Variants in LEPROT observed in about 807,000 individuals in gnomAD.
LEPROT encodes the protein leptin receptor gene-related protein.
A neutral mutation model predicts 15.4 loss-of-function variants in LEPROT; 3 were observed. That is an observed-to-expected ratio of 0.19 (90% CI 0.09 to 0.50). LEPROT has a LOEUF of 0.50. Ranked by LOEUF, LEPROT falls within the 20% of genes least tolerant of loss-of-function variation. LEPROT has a pLI of 0.97. For missense variants in LEPROT, 137 were observed against 162.2 expected, an observed-to-expected ratio of 0.84 and a Z score of 0.84; for synonymous variants, 59 against 57.5, an observed-to-expected ratio of 1.03 and a Z score of -0.12.
chr1:65,420,890 T>G lies in LEPROT; in HGVS notation c.16+150T>G, dbSNP rs570323507. The G allele has an allele frequency of 8.3e-4, 864 of 1,043,558 alleles. 2 individuals are homozygous for G. Among genetic ancestry groups the G allele is most frequent in the Non-Finnish European group, 1.1e-3 (743 of 707,506 alleles). 64.6% of individuals were successfully genotyped at this position (1,043,558 alleles called of 1,614,324 possible). A position where few individuals can be genotyped will look rare whatever the true frequency, so the allele number is the denominator to read the frequency against. ...GTTCGGGAGGCGATCGACCGCTCCC[T>G]TCGTCCCTTGGGGTGTGGGTGGAGC... On this transcript the variant is annotated intron_variant, in intron 1 of 3. Coordinates refer to ENST00000371065, the MANE Select transcript of LEPROT (RefSeq NM_017526.5).
chr1:65,429,430 G>C (rs1000388537), intron 2 of LEPROT, among the ~76,000 whole-genome samples: 1 of 152,186 alleles, frequency 6.6e-6, no homozygotes, highest in Admixed American at 6.5e-5. Flanking sequence ...GGCTTTGTAG[G>C]CTAGGGCAAG....
At chr1:65,422,826 C>T (rs185306637) in intron 1 of LEPROT, among the ~76,000 whole-genome samples, 23 of 152,300 alleles carry the variant, frequency 1.5e-4, no homozygotes, top group African/African-American at 5.1e-4. Flanking sequence ...GGTGAGCCTC[C>T]GTGCCAGAAC....
At chr1:65,429,556 A>G (rs1042276539) in intron 2 of LEPROT, among the ~76,000 whole-genome samples, 5 of 152,214 alleles carry the variant, frequency 3.3e-5, no homozygotes, top group African/African-American at 1.2e-4. Flanking sequence ...GAAGGCAGAA[A>G]TGACCAAGTT....
chr1:65,426,860 T>C (rs1173980839), intron 2 of LEPROT, among the ~76,000 whole-genome samples: 1 of 152,046 alleles, frequency 6.6e-6, no homozygotes, highest in Non-Finnish European at 1.5e-5. Context: ...TAGCTGGGCG[T>C]GGTGGCACAC....
rs1646551151 is a variant in LEPROT at position 65,435,578 on chromosome 1, A to G, written c.*3659A>G. On this transcript the variant is annotated 3_prime_UTR_variant, in exon 4 of 4. Transcript: ENST00000371065. ...AAAGACGGGTTTCATCGTGTTAGCC[A>G]GGATGGTCTCGATCTCCTGACCTCA... The G allele has an allele frequency of 5.6e-6, 3 of 539,262 alleles. No homozygotes were observed. Among genetic ancestry groups the G allele is most frequent in the Non-Finnish European group, 7.1e-6 (3 of 422,140 alleles). 33.4% of individuals were successfully genotyped at this position (539,262 alleles called of 1,614,324 possible). A position where few individuals can be genotyped will look rare whatever the true frequency, so the allele number is the denominator to read the frequency against.
rs952278417 is a variant in LEPROT, at chr1:65,421,333, A to G, written c.16+593A>G. On this transcript the variant is annotated intron_variant, in intron 1 of 3. Transcript: ENST00000371065. ...TTTTCTCTGTTTATGGACAGAGAAG[A>G]AACCAGTGTGTGTGTAGTATGTGTT... The G allele has an allele frequency of 9.1e-6, 14 of 1,534,180 alleles. No individual in the cohort carries two copies. The African/African-American group carries it at 1.4e-4, about 15-fold the overall frequency.
rs568543862 is a variant in LEPROT at position 65,422,054 on chromosome 1, G to T, written c.16+1314G>T. On this transcript the variant is annotated intron_variant, in intron 1 of 3. Coordinates refer to ENST00000371065, the MANE Select transcript of LEPROT (RefSeq NM_017526.5). ...CAGTGTTTATGTTGGGCTCAGATGCGGTGGGAGAACAGATGGTGGGTTGGA... is the reference window on the plus strand; with the variant it reads ...CAGTGTTTATGTTGGGCTCAGATGCTGTGGGAGAACAGATGGTGGGTTGGA... Among the ~76,000 whole-genome samples, 77 of 152,254 alleles carry T rather than the reference G, an allele frequency of 5.1e-4. 1 individual carries two copies. In the South Asian group the frequency reaches 0.013, roughly 25 times the overall value.
chr1:65,429,296 A>T lies in LEPROT; in HGVS notation c.93-566A>T, dbSNP rs182853769. Among the ~76,000 whole-genome samples the T allele has an allele frequency of 3.4e-3, 525 of 152,324 alleles. 1 individual carries two copies. Among genetic ancestry groups the T allele is most frequent in the Middle Eastern group, 0.02 (6 of 294 alleles). On this transcript the variant is annotated intron_variant, in intron 2 of 3. Transcript: ENST00000371065. Reference sequence around the variant, plus strand: ...GCACAGCTAGCGCAAAGGCCCCAGGATAACAGCTATGAGCTCAAGAGTGTT... The same window carrying T: ...GCACAGCTAGCGCAAAGGCCCCAGGTTAACAGCTATGAGCTCAAGAGTGTT...
chr1:65,429,531 A>G (rs1446903170), intron 2 of LEPROT, among the ~76,000 whole-genome samples: 2 of 152,172 alleles, frequency 1.3e-5, no homozygotes, highest in African/African-American at 4.8e-5. Context: ...AAGACACTCT[A>G]CTATGTTCTA....
chr1:65,421,892 CG>C (rs1646258619), intron 1 of LEPROT, among the ~76,000 whole-genome samples: 1 of 152,060 alleles, frequency 6.6e-6, no homozygotes, highest in Non-Finnish European at 1.5e-5. Flanking sequence ...GAAATGGAAA[CG>C]GACTAAGGGA....
At position 65,433,616 on chromosome 1, in the gene LEPROT, A is replaced by G. The variant is rs1321850745; in HGVS notation, c.*1697A>G. 1 of 985,308 alleles carries G rather than the reference A, an allele frequency of 1.0e-6. No homozygotes were observed. The highest frequency in any genetic ancestry group is 6.1e-5 in the Admixed American group (1 of 16,268). The allele number at this position is 985,308 out of a possible 1,614,324, so 61.0% of individuals were successfully genotyped here. ...AGTAATAACTAAAGGGTTAATGTGC[A>G]ACGTTATTTTTTGGCCTTGTTCATG... is the stretch of plus-strand genomic sequence containing the variant. On this transcript the variant is annotated 3_prime_UTR_variant, in exon 4 of 4. Coordinates refer to ENST00000371065, the MANE Select transcript of LEPROT (RefSeq NM_017526.5).
chr1:65,433,720 TTAGA>T lies in LEPROT; in HGVS notation c.*1804_*1807del, dbSNP rs1476427116. ...CCAATATTTATATTAGAAAAATTAT[TTAGA>T]TACTTTATAATTTTAACCGGCATTT... On this transcript the variant is annotated 3_prime_UTR_variant, in exon 4 of 4. Transcript: ENST00000371065. 1.3e-5 allele frequency: 12 copies of T among 919,348 alleles called. No individual in the cohort carries two copies. Among genetic ancestry groups the T allele is most frequent in the African/African-American group, 1.8e-5 (1 of 55,666 alleles). 56.9% of individuals were successfully genotyped at this position (919,348 alleles called of 1,614,324 possible). A position where few individuals can be genotyped will look rare whatever the true frequency, so the allele number is the denominator to read the frequency against.
At chr1:65,421,121 C>T (rs1320196704) in intron 1 of LEPROT, among the ~76,000 whole-genome samples, 1 of 152,204 alleles carries the variant, frequency 6.6e-6, no homozygotes, top group Non-Finnish European at 1.5e-5. Context: ...TTCCTATTTG[C>T]CACAAAGGAC....
At chr1:65,428,720 A>C (rs1392966467) in intron 2 of LEPROT, among the ~76,000 whole-genome samples, 1 of 152,134 alleles carries the variant, frequency 6.6e-6, no homozygotes, top group Non-Finnish European at 1.5e-5. Context: ...TATAAAAATG[A>C]GCAGAGACTT....
chr1:65,433,993 G>A lies in LEPROT; in HGVS notation c.*2074G>A, dbSNP rs574345236. 16 of 985,176 alleles carry A rather than the reference G, an allele frequency of 1.6e-5. No individual in the cohort carries two copies. The East Asian group carries it at 9.1e-4, about 56-fold the overall frequency. The allele number at this position is 985,176 out of a possible 1,614,324, so 61.0% of individuals were successfully genotyped here. ...TGCAATAGCTTTTCTTTCTAAGATG[G>A]CAATAATGATTCATTTCTACTACAT... On this transcript the variant is annotated 3_prime_UTR_variant, in exon 4 of 4. Coordinates refer to ENST00000371065, the MANE Select transcript of LEPROT (RefSeq NM_017526.5).
At chr1:65,421,520 G>T (rs1416658133) in intron 1 of LEPROT, 2 of 1,528,606 alleles carry the variant, frequency 1.3e-6, no homozygotes, top group Admixed American at 3.9e-5. Flanking sequence ...TTTTATATTG[G>T]CTTTTATATC....
At position 65,420,730 on chromosome 1, in the gene LEPROT, G is replaced by T; in HGVS notation, c.6G>T (p.Ala2=). M[A]GVKALVALSF... ...GCGGCCCCAGTTCGGGAGACATGGC[G>T]GGCGTTAAAGGTACATCGCGGTCCC... Residue 2 remains alanine (A), a synonymous_variant, in exon 1 of 4, where the codon GCG becomes GCT. Coordinates refer to ENST00000371065, the MANE Select transcript of LEPROT (RefSeq NM_017526.5). 1.3e-6 allele frequency: 2 copies of T among 1,583,022 alleles called. No homozygotes were observed. Among genetic ancestry groups the T allele is most frequent in the East Asian group, 2.3e-5 (1 of 43,336 alleles).
chr1:65,424,902 C>T lies in LEPROT; in HGVS notation c.17-401C>T, dbSNP rs146089803. On this transcript the variant is annotated intron_variant, in intron 1 of 3. Transcript: ENST00000371065. ...AGGTCCACCTCCTGATAGCATCTCA[C>T]GGTGAGAGGGATGGAGCCGGGAAGG... 3.4e-3 allele frequency among the ~76,000 whole-genome samples: 512 copies of T among 152,244 alleles called. 7 individuals carry two copies. The highest frequency in any genetic ancestry group is 7.5e-3 in the South Asian group (36 of 4,814).
chr1:65,429,962 G>A lies in LEPROT; in HGVS notation c.193G>A (p.Ala65Thr), dbSNP rs760576579. ...VTYDSDATSS[A>T]CRELAYFFTT... ...CTATGACTCAGATGCAACCAGTAGT[G>A]CCTGTCGGGAACTGGCATATTTCTT... The change falls in exon 3 of 4, where the codon GCC (alanine) becomes ACC (threonine). Residue 65 changes from alanine (A) to threonine (T), a missense_variant. Ala to Thr is a moderately conservative substitution (Grantham distance 58). Transcript: ENST00000371065. 3 of 1,578,998 alleles carry A rather than the reference G, an allele frequency of 1.9e-6. No homozygotes were observed. Among genetic ancestry groups the A allele is most frequent in the Non-Finnish European group, 1.7e-6 (2 of 1,153,574 alleles).
Sources: allele counts gnomAD v4.1 joint callset (sites outside exome capture counted in the v4.1 genomes callset), GRCh38; gene constraint gnomAD v4.1.1; transcripts MANE v1.5; gene names NCBI Gene and HGNC (gene_info 2026-07-23, HGNC 2026-07-21).